Variants in NELL1 observed in about 807,000 individuals in gnomAD.
The protein encoded by NELL1 is neural EGFL like 1.
A neutral mutation model predicts 107.4 loss-of-function variants in NELL1; 76 were observed. The ratio of observed to expected loss-of-function variants is 0.71; its 90% CI spans 0.59 to 0.86. The LOEUF (loss-of-function observed/expected upper bound fraction) is 0.86. NELL1 is among the 40% of genes least tolerant of loss of function. NELL1 has a pLI of 0.00. For missense variants in NELL1, 1,024 were observed against 1,005.5 expected (o/e 1.02, Z -0.25); for synonymous variants, 353 against 341.2 (o/e 1.03, Z -0.38).
intron 4 of NELL1, among the ~76,000 whole-genome samples, chr11:20,856,083 G>A (rs1343880112): frequency 1.3e-5 from 2 of 152,220 alleles, no homozygotes; most frequent in African/African-American, 4.8e-5. Context: ...AGCTGCATCT[G>A]CTCAGCTATT....
At chr11:21,125,562 G>A (rs1452884668) in intron 13 of NELL1, among the ~76,000 whole-genome samples, 3 of 152,212 alleles carry the variant, frequency 2.0e-5, no homozygotes, top group African/African-American at 2.4e-5. Context: ...TTACATTTAA[G>A]TAGAATAATT....
intron 14 of NELL1, among the ~76,000 whole-genome samples, chr11:21,327,210 G>A (rs1388305723): frequency 8.3e-6 from 1 of 120,674 alleles, no homozygotes; most frequent in Admixed American, 9.1e-5. Flanking sequence ...TGTAGGAAGG[G>A]GGGAGGGATA....
At chr11:21,091,690 A>G (rs995112195) in intron 12 of NELL1, among the ~76,000 whole-genome samples, 14 of 152,208 alleles carry the variant, frequency 9.2e-5, no homozygotes, top group African/African-American at 2.9e-4. Flanking sequence ...AATGTTATTC[A>G]GCCCACATTC....
chr11:21,171,107 T>C (rs574685686), intron 13 of NELL1, among the ~76,000 whole-genome samples: 9 of 151,800 alleles, frequency 5.9e-5, no homozygotes, highest in Non-Finnish European at 1.0e-4. Flanking sequence ...CCTCTAGATG[T>C]TTTCCTAATA....
intron 4 of NELL1, among the ~76,000 whole-genome samples, chr11:20,871,696 A>G (rs1435599613): frequency 6.6e-6 from 1 of 151,948 alleles, no homozygotes; most frequent in African/African-American, 2.4e-5. Context: ...TCCCCTCCCT[A>G]TGCCTCTTAC....
intron 12 of NELL1, among the ~76,000 whole-genome samples, chr11:21,009,522 A>T (rs1852402220): frequency 6.6e-6 from 1 of 152,010 alleles, no homozygotes; most frequent in Non-Finnish European, 1.5e-5. Flanking sequence ...AAGGGTGCAT[A>T]ATTGGTTACC....
intron 13 of NELL1, among the ~76,000 whole-genome samples, chr11:21,170,540 A>G (rs1289010315): frequency 1.3e-5 from 2 of 151,730 alleles, no homozygotes; most frequent in East Asian, 1.9e-4. Flanking sequence ...AATATATAAT[A>G]TTGCCTTTTA....
chr11:21,373,854 A>G (rs924714677), intron 15 of NELL1, among the ~76,000 whole-genome samples: 2 of 152,114 alleles, frequency 1.3e-5, no homozygotes, highest in African/African-American at 4.8e-5. Flanking sequence ...TGGTTTTACA[A>G]TTAGCATGGA....
At chr11:21,039,825 G>GAT (rs1473755344) in intron 12 of NELL1, among the ~76,000 whole-genome samples, 1 of 152,040 alleles carries the variant, frequency 6.6e-6, no homozygotes, top group African/African-American at 2.4e-5. Flanking sequence ...TTCTGGAGCT[G>GAT]ATATATATCT....
chr11:21,285,372 C>A (rs1590804671), intron 14 of NELL1, among the ~76,000 whole-genome samples: 1 of 152,302 alleles, frequency 6.6e-6, no homozygotes, highest in East Asian at 1.9e-4. Context: ...AGAAGCCTGG[C>A]TTCTCTCTAG....
chr11:20,910,135 C>T (rs1276946687), intron 5 of NELL1, among the ~76,000 whole-genome samples: 1 of 152,174 alleles, frequency 6.6e-6, no homozygotes, highest in Non-Finnish European at 1.5e-5. Context: ...TGGTGATTAA[C>T]TCCTGGCTGG....
At chr11:21,087,439 C>A (rs1436509764) in intron 12 of NELL1, among the ~76,000 whole-genome samples, 1 of 151,822 alleles carries the variant, frequency 6.6e-6, no homozygotes, top group Non-Finnish European at 1.5e-5. Context: ...TAGCAGAATG[C>A]CAAAATTTAT....
chr11:20,778,390 T>C (rs1331624122), intron 2 of NELL1, among the ~76,000 whole-genome samples: 5 of 151,950 alleles, frequency 3.3e-5, no homozygotes, highest in African/African-American at 1.2e-4. Flanking sequence ...CCTCACTCTA[T>C]ACATCAGGGA....
chr11:21,073,308 C>T (rs1854058951), intron 12 of NELL1, among the ~76,000 whole-genome samples: 1 of 152,058 alleles, frequency 6.6e-6, no homozygotes, highest in Non-Finnish European at 1.5e-5. Flanking sequence ...TCAGAGGGTA[C>T]ACGTTCCAGG....
intron 10 of NELL1, among the ~76,000 whole-genome samples, chr11:20,938,933 TCTCTCTCTG>T (rs1434650991): frequency 1.4e-4 from 6 of 44,090 alleles, no homozygotes; most frequent in Non-Finnish European, 4.2e-4. Flanking sequence ...TCTCTCTCTC[TCTCTCTCTG>T]TGTGTGTGTG....
At chr11:21,352,891 TC>T (rs1476566835) in intron 14 of NELL1, among the ~76,000 whole-genome samples, 1 of 152,156 alleles carries the variant, frequency 6.6e-6, no homozygotes, top group East Asian at 1.9e-4. Context: ...AGATGCCACT[TC>T]TTTTTGTCCC....
intron 15 of NELL1, among the ~76,000 whole-genome samples, chr11:21,403,577 A>G (rs1044249500): frequency 6.8e-6 from 1 of 147,408 alleles, no homozygotes. Flanking sequence ...TGGTTCTTCT[A>G]GTGAATATAA....
intron 3 of NELL1, among the ~76,000 whole-genome samples, chr11:20,804,794 G>A (rs1301295181): frequency 6.6e-6 from 1 of 152,104 alleles, no homozygotes; most frequent in Admixed American, 6.5e-5. Flanking sequence ...AATCTATTAG[G>A]TCTATTTGGT....
chr11:20,813,443 A>G (rs1185913905), intron 3 of NELL1, among the ~76,000 whole-genome samples: 2 of 144,750 alleles, frequency 1.4e-5, no homozygotes, highest in African/African-American at 5.2e-5. Flanking sequence ...TAGTAGATAT[A>G]CATGATGAGT....
Sources: gnomAD v4.1 joint callset for allele counts (sites outside exome capture counted in the v4.1 genomes callset) on GRCh38, gnomAD v4.1.1 for gene constraint, MANE v1.5 for transcripts, NCBI Gene and HGNC (gene_info 2026-07-23, HGNC 2026-07-21) for gene names.